The following EYS variants were observed in gnomAD, a reference collection of about 807,000 sequenced individuals.
EYS encodes the protein EGF-like photoreceptor maintenance factor.
EYS carries 250 observed loss-of-function variants against 282.1 expected under a neutral mutation model. The observed-to-expected ratio is 0.89, with a 90% CI of 0.80 to 0.98. The LOEUF is 0.98. Among genes scored for constraint, EYS ranks in the 50% least tolerant of loss-of-function variants. EYS has a pLI of 0.00. For missense variants in EYS, 4,016 were observed against 3,709.0 expected, an observed-to-expected ratio of 1.08 and a Z score of -2.15; for synonymous variants, 1,355 against 1,282.9, an observed-to-expected ratio of 1.06 and a Z score of -1.20.
rs565176843 is a variant in EYS, at chr6:65,474,037, C to T, written c.862+16557G>A. 2.0e-5 allele frequency among the ~76,000 whole-genome samples: 3 copies of T among 151,862 alleles called. No homozygotes were observed. In the East Asian group the frequency reaches 5.8e-4, roughly 29 times the overall value. ...AATTTGAAGTAAGATTTTAAAATACCGATGACAAGTTTTGTATTTGAAAAG... is the reference window on the plus strand; with the variant it reads ...AATTTGAAGTAAGATTTTAAAATACTGATGACAAGTTTTGTATTTGAAAAG... On this transcript the variant is annotated intron_variant, in intron 5 of 42. Coordinates refer to ENST00000503581, the MANE Select transcript of EYS (RefSeq NM_001142800.2).
chr6:63,872,136 A>T (rs1319239178), intron 35 of EYS, among the ~76,000 whole-genome samples: 1 of 152,184 alleles, frequency 6.6e-6, no homozygotes, highest in Non-Finnish European at 1.5e-5. Context: ...GTTCAGCAGC[A>T]TCTTTGTGGT....
At chr6:64,647,654 T>C (rs1302541051) in intron 22 of EYS, among the ~76,000 whole-genome samples, 1 of 152,188 alleles carries the variant, frequency 6.6e-6, no homozygotes, top group Admixed American at 6.5e-5. Context: ...ATAATGAACA[T>C]ACATTGTTTC....
chr6:65,438,741 A>G (rs1161706834), intron 5 of EYS, among the ~76,000 whole-genome samples: 3 of 151,938 alleles, frequency 2.0e-5, no homozygotes, highest in Non-Finnish European at 4.4e-5. Context: ...TTCTTTGTAG[A>G]TTCTGGATAT....
intron 5 of EYS, among the ~76,000 whole-genome samples, chr6:65,412,913 A>C (rs1767079806): frequency 6.6e-6 from 1 of 152,084 alleles, no homozygotes; most frequent in African/African-American, 2.4e-5. Flanking sequence ...CATCCTCATA[A>C]GCTTGACCCC....
At chr6:63,822,062 T>A (rs1771339202) in intron 36 of EYS, 1 of 152,214 alleles carries the variant, frequency 6.6e-6, no homozygotes, top group African/African-American at 2.4e-5. Flanking sequence ...CCTTTTCCCT[T>A]GAAATTTTCT....
rs181881515 is a variant in EYS, at chr6:65,005,450, C to T, written c.2138-7747G>A. ...GCTTGCCACCATCTTGGAAGCGGGT[C>T]ACCGCCATCTTGGGACCTCTGTGAG... On this transcript the variant is annotated intron_variant, in intron 13 of 42. Transcript: ENST00000503581. Among the ~76,000 whole-genome samples the T allele has an allele frequency of 2.0e-5, 3 of 147,642 alleles. No homozygotes were observed. The East Asian group carries it at 6.4e-4, about 31-fold the overall frequency.
At chr6:63,803,162 A>G (rs944563100) in intron 37 of EYS, among the ~76,000 whole-genome samples, 6 of 151,376 alleles carry the variant, frequency 4.0e-5, no homozygotes, top group Admixed American at 2.0e-4. Context: ...GGTTCTCCCT[A>G]TTTGACTCTA....
chr6:64,051,351 G>A (rs1254897408), intron 33 of EYS, among the ~76,000 whole-genome samples: 3 of 152,062 alleles, frequency 2.0e-5, no homozygotes, highest in African/African-American at 7.2e-5. Context: ...AGTTATATGT[G>A]TCCTTTCTTT....
chr6:65,399,343 G>A (rs1330039123), intron 7 of EYS, among the ~76,000 whole-genome samples: 1 of 151,666 alleles, frequency 6.6e-6, no homozygotes, highest in African/African-American at 2.4e-5. Flanking sequence ...TCATGTCACC[G>A]CCCAAGTCAA....
intron 12 of EYS, among the ~76,000 whole-genome samples, chr6:65,110,889 G>T (rs1007698242): frequency 2.6e-5 from 4 of 152,016 alleles, no homozygotes; most frequent in East Asian, 3.9e-4. Flanking sequence ...AATAACTCCG[G>T]TTATAGCATA....
rs1280712077 is a variant in EYS at position 65,666,471 on chromosome 6, T to C, written c.-447-26579A>G. Among the ~76,000 whole-genome samples, 3 of 151,944 alleles carry C rather than the reference T, an allele frequency of 2.0e-5. No homozygotes were observed. The East Asian group carries it at 5.8e-4, about 29-fold the overall frequency. ...GGGATAATTATACATATGCTTTACATAGCATATTTAAATTACTAATTACTG... is the reference window on the plus strand; with the variant it reads ...GGGATAATTATACATATGCTTTACACAGCATATTTAAATTACTAATTACTG... On this transcript the variant is annotated intron_variant, in intron 1 of 42. Transcript: ENST00000503581.
chr6:65,344,790 G>C (rs1170919423), intron 9 of EYS, among the ~76,000 whole-genome samples: 1 of 151,546 alleles, frequency 6.6e-6, no homozygotes, highest in African/African-American at 2.4e-5. Context: ...AGGGAAAAAG[G>C]AGTTAATTAA....
At chr6:65,291,800 GAA>G (rs911195021) in intron 12 of EYS, among the ~76,000 whole-genome samples, 1 of 151,506 alleles carries the variant, frequency 6.6e-6, no homozygotes, top group African/African-American at 2.4e-5. Flanking sequence ...TCAGTACATC[GAA>G]AGAGTAGGAT....
rs200375789 is a variant in EYS, at chr6:65,242,244, AT to A, written c.2023+53618del. On this transcript the variant is annotated intron_variant, in intron 12 of 42. Coordinates refer to ENST00000503581, the MANE Select transcript of EYS (RefSeq NM_001142800.2). The stretch of plus-strand genomic sequence containing the variant: ...CCATCATCACAAATCTAATTTTAGA[AT>A]TTTTTTTTTAACCAGGAAAAGAATC... 4.9e-3 allele frequency among the ~76,000 whole-genome samples: 744 copies of A among 150,618 alleles called. 6 individuals are homozygous for A. Among genetic ancestry groups the A allele is most frequent in the African/African-American group, 0.017 (699 of 41,150 alleles).
intron 29 of EYS, among the ~76,000 whole-genome samples, chr6:64,336,857 A>T (rs1288060808): frequency 6.6e-6 from 1 of 152,144 alleles, no homozygotes; most frequent in Non-Finnish European, 1.5e-5. Flanking sequence ...GAAATTAAAT[A>T]ACCTGCTTCT....
At chr6:65,008,862 C>A (rs1419538175) in intron 13 of EYS, among the ~76,000 whole-genome samples, 1 of 152,176 alleles carries the variant, frequency 6.6e-6, no homozygotes, top group Non-Finnish European at 1.5e-5. Context: ...GTCTTACTCT[C>A]CTGTCTTGGA....
At chr6:63,728,484 A>G (rs567661686) in intron 41 of EYS, among the ~76,000 whole-genome samples, 62 of 152,162 alleles carry the variant, frequency 4.1e-4, no homozygotes, top group African/African-American at 1.4e-3. Flanking sequence ...GGGTTTCCAT[A>G]TACCCCTTGT....
At chr6:64,605,306 A>C (rs1387655801) in intron 24 of EYS, among the ~76,000 whole-genome samples, 3 of 151,934 alleles carry the variant, frequency 2.0e-5, no homozygotes, top group African/African-American at 7.2e-5. Context: ...TTGAGTTTTA[A>C]AAGCAAAAAA....
At position 65,339,397 on chromosome 6, in the gene EYS, T is replaced by C. The variant is rs555551438; in HGVS notation, c.1600-4251A>G. Among the ~76,000 whole-genome samples, 223 of 151,302 alleles carry C rather than the reference T, an allele frequency of 1.5e-3. 2 individuals are homozygous for C. The highest frequency in any genetic ancestry group is 6.0e-3 in the South Asian group (29 of 4,816). On this transcript the variant is annotated intron_variant, in intron 10 of 42. Transcript: ENST00000503581. The stretch of plus-strand genomic sequence containing the variant: ...TCACCACGGTTCAAAAATATGTTAG[T>C]ATGGTTTAGTAAGATATCTTGAAAA...
Sources: gnomAD v4.1 joint callset for allele counts (sites outside exome capture counted in the v4.1 genomes callset) on GRCh38, gnomAD v4.1.1 for gene constraint, MANE v1.5 for transcripts, NCBI Gene and HGNC (gene_info 2026-07-23, HGNC 2026-07-21) for gene names.